The following ARNT2 variants were observed in gnomAD, a reference collection of about 807,000 sequenced individuals.
The protein encoded by ARNT2 is aryl hydrocarbon receptor nuclear translocator 2.
A neutral mutation model predicts 91.7 loss-of-function variants in ARNT2; 36 were observed. That is an observed-to-expected ratio of 0.39 (90% confidence interval 0.30 to 0.52). ARNT2 has a LOEUF of 0.52. Among genes scored for constraint, ARNT2 ranks in the 20% least tolerant of loss-of-function variants. The probability of loss-of-function intolerance (pLI) is 0.72; values close to 1 mark genes in which losing one functional copy is unlikely to be tolerated. For synonymous variants in ARNT2, 365 were observed against 347.1 expected (o/e 1.05, Z -0.57); for missense variants, 775 against 939.3 (o/e 0.83, Z 2.29).
At position 80,547,048 on chromosome 15, in the gene ARNT2, G is replaced by A. The variant is rs137922164; in HGVS notation, c.878-4151G>A. On this transcript the variant is annotated intron_variant, in intron 8 of 18. Transcript: ENST00000303329. Reference sequence around the variant, plus strand: ...AAAATGATATAAAAAGAGACAAGATGAGGTATAAAACTCTGGGGAATGGCA... The same window carrying A: ...AAAATGATATAAAAAGAGACAAGATAAGGTATAAAACTCTGGGGAATGGCA... 6.0e-3 allele frequency among the ~76,000 whole-genome samples: 912 copies of A among 152,212 alleles called. 17 individuals carry two copies. Among genetic ancestry groups the A allele is most frequent in the African/African-American group, 0.021 (888 of 41,530 alleles).
chr15:80,512,363 C>T (rs1897356447), intron 6 of ARNT2, among the ~76,000 whole-genome samples: 2 of 152,232 alleles, frequency 1.3e-5, no homozygotes, highest in African/African-American at 4.8e-5. Flanking sequence ...GAGGCTGAGC[C>T]TCTGGAATTC....
Position 80,593,732 on chromosome 15 carries a change from C to T in ARNT2, c.*34C>T. The T allele has an allele frequency of 1.3e-6, 2 of 1,547,962 alleles. No homozygotes were observed. The highest frequency in any genetic ancestry group is 8.8e-7 in the Non-Finnish European group (1 of 1,133,416). On this transcript the variant is annotated 3_prime_UTR_variant, in exon 19 of 19. Transcript: ENST00000303329. ...AGAGTGAGGCTCCTGCTGTACAGTG[C>T]CACCCATACTGTGATGTCGATGCCC...
chr15:80,447,123 T>A (rs959475352), intron 1 of ARNT2, among the ~76,000 whole-genome samples: 3 of 150,852 alleles, frequency 2.0e-5, no homozygotes, highest in African/African-American at 7.4e-5. Context: ...TGCCTTCTAG[T>A]CTTTTTTCTG....
At chr15:80,551,133 GAC>G (rs1244709671) in intron 8 of ARNT2, 64 bp from the exon 9 acceptor site, 1 of 1,492,364 alleles carries the variant, frequency 6.7e-7, no homozygotes, top group Non-Finnish European at 9.3e-7. Flanking sequence ...TAAAATCGTG[GAC>G]ACTTTTCTTC....
chr15:80,569,242 C>T (rs1043965116), intron 12 of ARNT2, among the ~76,000 whole-genome samples: 4 of 152,138 alleles, frequency 2.6e-5, no homozygotes, highest in African/African-American at 9.7e-5. Flanking sequence ...AGCATCTGCC[C>T]GGACTCCTGC....
At chr15:80,427,049 G>T (rs1895943173) in intron 1 of ARNT2, among the ~76,000 whole-genome samples, 1 of 152,128 alleles carries the variant, frequency 6.6e-6, no homozygotes, top group Non-Finnish European at 1.5e-5. Flanking sequence ...TTCACATTGG[G>T]GGTTAGGACT....
chr15:80,471,677 C>G (rs931483366), intron 4 of ARNT2, among the ~76,000 whole-genome samples: 8 of 152,092 alleles, frequency 5.3e-5, no homozygotes, highest in African/African-American at 1.4e-4. Context: ...TATTCTAGCC[C>G]TGTGAAGAAG....
chr15:80,472,494 G>A (rs1896745405), intron 4 of ARNT2, among the ~76,000 whole-genome samples: 1 of 152,188 alleles, frequency 6.6e-6, no homozygotes, highest in African/African-American at 2.4e-5. Flanking sequence ...AAGGGATGAG[G>A]AACTAACGTT....
At chr15:80,495,118 T>G (rs1478835549) in intron 5 of ARNT2, among the ~76,000 whole-genome samples, 1 of 152,168 alleles carries the variant, frequency 6.6e-6, no homozygotes, top group Non-Finnish European at 1.5e-5. Flanking sequence ...CCTTATTCCA[T>G]GGCCACTGAT....
chr15:80,573,742 C>T (rs1268174335), intron 12 of ARNT2, among the ~76,000 whole-genome samples: 1 of 152,156 alleles, frequency 6.6e-6, no homozygotes, highest in Admixed American at 6.5e-5. Flanking sequence ...GTAGAATAAC[C>T]ACTGTGAAAG....
chr15:80,543,506 T>C (rs564103240), intron 8 of ARNT2, among the ~76,000 whole-genome samples: 65 of 152,342 alleles, frequency 4.3e-4, no homozygotes, highest in Non-Finnish European at 7.2e-4. Flanking sequence ...GTATCAAATT[T>C]GGAAAATTGT....
At chr15:80,440,677 A>G (rs1275865894) in intron 1 of ARNT2, among the ~76,000 whole-genome samples, 3 of 152,156 alleles carry the variant, frequency 2.0e-5, no homozygotes, top group East Asian at 1.9e-4. Flanking sequence ...CTGCCTGCCT[A>G]CTAGAAGGGG....
At chr15:80,428,229 A>C (rs1212813237) in intron 1 of ARNT2, among the ~76,000 whole-genome samples, 1 of 152,272 alleles carries the variant, frequency 6.6e-6, no homozygotes, top group Non-Finnish European at 1.5e-5. Flanking sequence ...ATGTCGATGC[A>C]CAGACCCAAA....
chr15:80,558,333 CTTTT>C (rs56720700), intron 11 of ARNT2, among the ~76,000 whole-genome samples: 22 of 103,348 alleles, frequency 2.1e-4, no homozygotes, highest in Admixed American at 5.2e-4. Flanking sequence ...TACGTCTGTG[CTTTT>C]TTTTTTTTTT....
At chr15:80,479,785 C>T (rs1168266858) in intron 5 of ARNT2, among the ~76,000 whole-genome samples, 2 of 152,136 alleles carry the variant, frequency 1.3e-5, no homozygotes, top group Non-Finnish European at 2.9e-5. Flanking sequence ...GCTCTCTTGG[C>T]TCATTTTGGT....
chr15:80,545,535 A>G (rs1048380764), intron 8 of ARNT2, among the ~76,000 whole-genome samples: 1 of 152,182 alleles, frequency 6.6e-6, no homozygotes, highest in East Asian at 1.9e-4. Context: ...CAGGGTAGAG[A>G]GGAGATGATT....
At chr15:80,531,159 A>G (rs569092464) in intron 8 of ARNT2, among the ~76,000 whole-genome samples, 15 of 152,324 alleles carry the variant, frequency 9.8e-5, no homozygotes, top group African/African-American at 3.1e-4. Flanking sequence ...ATATGTTTCA[A>G]TTCACATGTG....
Position 80,552,916 on chromosome 15 carries a change from T to C in ARNT2, c.1089+142T>C, listed in dbSNP as rs940249267. The C allele has an allele frequency of 2.7e-5, 28 of 1,033,508 alleles. No individual in the cohort carries two copies. In the African/African-American group the frequency reaches 4.1e-4, roughly 15 times the overall value. 64.0% of individuals were successfully genotyped at this position (1,033,508 alleles called of 1,614,324 possible). On this transcript the variant is annotated intron_variant, in intron 10 of 18. Coordinates refer to ENST00000303329, the MANE Select transcript of ARNT2 (RefSeq NM_014862.4). ...CATATACCCTGCCTAGATAGAACGA[T>C]AGATATCCTTCCAAGGCAAGAAAAG...
chr15:80,457,308 C>T (rs547883248), intron 2 of ARNT2, among the ~76,000 whole-genome samples: 12 of 152,330 alleles, frequency 7.9e-5, no homozygotes, highest in Admixed American at 6.5e-4. Flanking sequence ...CCCAAACAGC[C>T]ATTTTCCCCT....
Sources: gnomAD v4.1 joint callset for allele counts (sites outside exome capture counted in the v4.1 genomes callset) on GRCh38, gnomAD v4.1.1 for gene constraint, MANE v1.5 for transcripts, NCBI Gene and HGNC (gene_info 2026-07-23, HGNC 2026-07-21) for gene names.